MYRIP: variants seen among roughly 807,000 people sequenced by gnomAD.
The protein encoded by MYRIP is rab effector MyRIP.
In MYRIP, 49 loss-of-function variants were observed where a neutral mutation model predicts 98.0. The ratio of observed to expected loss-of-function variants is 0.50; its 90% confidence interval spans 0.40 to 0.63. The LOEUF is 0.63. Among genes scored for constraint, MYRIP ranks in the 30% least tolerant of loss-of-function variants. The probability of loss-of-function intolerance (pLI) is 0.00; values close to 1 mark genes in which losing one functional copy is unlikely to be tolerated. For synonymous variants in MYRIP, 404 were observed against 409.5 expected (o/e 0.99, Z 0.16); for missense variants, 1,004 against 1,058.2 (o/e 0.95, Z 0.71).
chr3:39,978,821 T>C (rs1945815167), intron 2 of MYRIP, among the ~76,000 whole-genome samples: 1 of 151,830 alleles, frequency 6.6e-6, no homozygotes, highest in South Asian at 2.1e-4. Context: ...TACTGGACTT[T>C]GTTTTTTTTT....
At chr3:40,100,740 T>G (rs1948928682) in intron 3 of MYRIP, among the ~76,000 whole-genome samples, 1 of 152,198 alleles carries the variant, frequency 6.6e-6, no homozygotes, top group Non-Finnish European at 1.5e-5. Flanking sequence ...ACATACATGT[T>G]TTTTGAGCAG....
chr3:40,213,381 T>C (rs2125672060), intron 11 of MYRIP, among the ~76,000 whole-genome samples: 1 of 152,274 alleles, frequency 6.6e-6, no homozygotes, highest in South Asian at 2.1e-4. Context: ...AAAAATAAGC[T>C]TCACTGTCAT....
intron 2 of MYRIP, among the ~76,000 whole-genome samples, chr3:39,909,377 T>C (rs956736643): frequency 1.3e-5 from 2 of 152,144 alleles, no homozygotes; most frequent in African/African-American, 4.8e-5. Flanking sequence ...AAATCATATT[T>C]TGAATGTCAG....
intron 2 of MYRIP, among the ~76,000 whole-genome samples, chr3:39,998,870 G>A (rs188930565): frequency 9.2e-5 from 14 of 152,086 alleles, no homozygotes; most frequent in Non-Finnish European, 1.8e-4. Context: ...CAGAAATAAC[G>A]CCGCATATCT....
At chr3:39,987,401 T>C (rs60570723) in intron 2 of MYRIP, among the ~76,000 whole-genome samples, 16,753 of 152,200 alleles carry the variant, frequency 0.11, 1,681 homozygotes, top group African/African-American at 0.26. Context: ...TTTATCCAGT[T>C]TATCATTGAT....
Position 40,250,269 on chromosome 3 carries a change from A to C in MYRIP, c.2310A>C (p.Leu770Phe). The C allele has an allele frequency of 6.2e-7, 1 of 1,614,188 alleles. No individual in the cohort carries two copies. The highest frequency in any genetic ancestry group is 8.5e-7 in the Non-Finnish European group (1 of 1,179,986). ...TTTCAGCCCTGACCATTGCAGGATT[A>C]AACATAGCACCATGTGTGCGCTTCA... Reference protein sequence around the residue: ...SRISALTIAGLNIAPCVRFTR... With the variant: ...SRISALTIAGFNIAPCVRFTR... The change falls in exon 14 of 17, where the codon TTA (leucine) becomes TTC (phenylalanine). Residue 770 changes from leucine to phenylalanine, a missense_variant. Leu to Phe is a conservative substitution (Grantham distance 22). Transcript: ENST00000302541.
intron 4 of MYRIP, among the ~76,000 whole-genome samples, chr3:40,158,664 ATGAATC>A (rs1559426314): frequency 6.6e-6 from 1 of 152,146 alleles, no homozygotes; most frequent in Non-Finnish European, 1.5e-5. Flanking sequence ...GACTTGCTTT[ATGAATC>A]TGGGTGCTCC....
chr3:39,987,202 C>T (rs943120271), intron 2 of MYRIP, among the ~76,000 whole-genome samples: 1 of 152,124 alleles, frequency 6.6e-6, no homozygotes, highest in Non-Finnish European at 1.5e-5. Context: ...ATTTCTCCCC[C>T]TGTGTCCATG....
At chr3:40,118,668 A>G (rs568784719) in intron 3 of MYRIP, among the ~76,000 whole-genome samples, 2 of 151,300 alleles carry the variant, frequency 1.3e-5, no homozygotes, top group Admixed American at 6.6e-5. Flanking sequence ...TTTGTTACGT[A>G]TGCATACATG....
intron 1 of MYRIP, among the ~76,000 whole-genome samples, chr3:39,843,368 GA>G (rs1487302288): frequency 6.6e-6 from 1 of 151,800 alleles, no homozygotes; most frequent in East Asian, 1.9e-4. Flanking sequence ...TTGAGGCTTC[GA>G]AAAAAGACAA....
At chr3:39,954,984 G>C (rs1393667582) in intron 2 of MYRIP, among the ~76,000 whole-genome samples, 1 of 152,012 alleles carries the variant, frequency 6.6e-6, no homozygotes, top group East Asian at 1.9e-4. Flanking sequence ...AAAAAAGAGA[G>C]AAAAGAAACG....
chr3:40,159,363 C>A (rs577948522), intron 4 of MYRIP, among the ~76,000 whole-genome samples: 24 of 152,240 alleles, frequency 1.6e-4, no homozygotes, highest in African/African-American at 4.8e-4. Context: ...CAAAGAGATC[C>A]GCTGTTAGTC....
intron 2 of MYRIP, among the ~76,000 whole-genome samples, chr3:40,003,284 T>C (rs1238601086): frequency 6.6e-6 from 1 of 152,162 alleles, no homozygotes; most frequent in Non-Finnish European, 1.5e-5. Flanking sequence ...TGGCCCCCTG[T>C]GAGGTGTCTT....
At chr3:40,185,240 C>A (rs1950997816) in intron 9 of MYRIP, among the ~76,000 whole-genome samples, 2 of 152,308 alleles carry the variant, frequency 1.3e-5, no homozygotes, top group South Asian at 4.1e-4. Context: ...TTTGGGTAAA[C>A]CACAGTAACT....
intron 2 of MYRIP, among the ~76,000 whole-genome samples, chr3:40,004,830 T>A (rs1946597768): frequency 6.6e-6 from 1 of 152,062 alleles, no homozygotes; most frequent in Non-Finnish European, 1.5e-5. Flanking sequence ...TGTGCAGGTG[T>A]GTTACAAGGG....
rs937985781 is a variant in MYRIP, at chr3:40,259,826, T to G, written c.*1660T>G. 5 of 152,652 alleles carry G rather than the reference T, an allele frequency of 3.3e-5. No individual in the cohort carries two copies. Among genetic ancestry groups the G allele is most frequent in the Non-Finnish European group, 7.3e-5 (5 of 68,042 alleles). 9.5% of individuals were successfully genotyped at this position (152,652 alleles called of 1,614,324 possible). A position where few individuals can be genotyped will look rare whatever the true frequency, so the allele number is the denominator to read the frequency against. On this transcript the variant is annotated 3_prime_UTR_variant, in exon 17 of 17. Coordinates refer to ENST00000302541, the MANE Select transcript of MYRIP (RefSeq NM_015460.4). ...AAAACAAACAAACAAAAACAAATTT[T>G]AAGAACACAACAAAAAAGATTTGAC...
intron 3 of MYRIP, among the ~76,000 whole-genome samples, chr3:40,093,498 T>C (rs970691287): frequency 6.6e-5 from 10 of 152,170 alleles, no homozygotes; most frequent in Non-Finnish European, 1.5e-4. Flanking sequence ...AGTTGGAACA[T>C]ACATTCAGTT....
chr3:39,988,401 C>T (rs894338956), intron 2 of MYRIP, among the ~76,000 whole-genome samples: 1 of 152,090 alleles, frequency 6.6e-6, no homozygotes, highest in Admixed American at 6.5e-5. Context: ...GTTTGATGGG[C>T]TTCCCTTTGT....
At chr3:40,193,922 G>C (rs1454748231) in intron 10 of MYRIP, among the ~76,000 whole-genome samples, 2 of 151,942 alleles carry the variant, frequency 1.3e-5, no homozygotes, top group Non-Finnish European at 1.5e-5. Context: ...TGGACTATTT[G>C]TCTTTTTCTT....
Sources: gnomAD v4.1 joint callset for allele counts (sites outside exome capture counted in the v4.1 genomes callset) on GRCh38, gnomAD v4.1.1 for gene constraint, MANE v1.5 for transcripts, NCBI Gene and HGNC (gene_info 2026-07-23, HGNC 2026-07-21) for gene names.